COLEC12: variants seen among roughly 807,000 people sequenced by gnomAD.
COLEC12 encodes the protein collectin subfamily member 12.
In COLEC12, 33 loss-of-function variants were observed where a neutral mutation model predicts 71.1. The observed-to-expected ratio is 0.46, with a 90% CI of 0.35 to 0.62. The LOEUF (loss-of-function observed/expected upper bound fraction) is 0.62, where lower values mean the gene tolerates loss of function less well. Ranked by LOEUF, COLEC12 falls within the 20% of genes least tolerant of loss-of-function variation. The pLI, the probability that COLEC12 is intolerant of heterozygous loss-of-function variation, is 0.00. For synonymous variants in COLEC12, 350 were observed against 353.0 expected, an observed-to-expected ratio of 0.99 and a Z score of 0.10; for missense variants, 765 against 916.1, an observed-to-expected ratio of 0.84 and a Z score of 2.13.
At chr18:479,550 T>A (rs974072) in intron 2 of COLEC12, among the ~76,000 whole-genome samples, 6,641 of 149,296 alleles carry the variant, frequency 0.044, 169 homozygotes, top group South Asian at 0.078. Context: ...TCTCTCTCTC[T>A]CACACACACA....
chr18:480,571 A>G lies in COLEC12; in HGVS notation c.58+136T>C. On this transcript the variant is annotated intron_variant, in intron 2 of 9. Transcript: ENST00000400256. This position sits in a 1 kb window ranked among gnomAD's most constrained non-coding sequence, Gnocchi z 4.1. ...CTGGGACACAGACACTCACTTTCCA[A>G]CCAAAATTGGACCTCAGAGCCACAA... is the stretch of plus-strand genomic sequence containing the variant. 1 of 780,938 alleles carries G rather than the reference A, an allele frequency of 1.3e-6. No homozygotes were observed. The highest frequency in any genetic ancestry group is 2.5e-5 in the East Asian group (1 of 40,518). The allele number at this position is 780,938 out of a possible 1,614,324, so 48.4% of individuals were successfully genotyped here.
intron 1 of COLEC12, among the ~76,000 whole-genome samples, chr18:485,368 G>A (rs1917500613): frequency 6.6e-6 from 1 of 152,220 alleles, no homozygotes; most frequent in Non-Finnish European, 1.5e-5. Context: ...AAGTCCTGCA[G>A]TGGTCATAAC....
intron 2 of COLEC12, among the ~76,000 whole-genome samples, chr18:461,507 C>G (rs920021838): frequency 6.6e-6 from 1 of 152,202 alleles, no homozygotes; most frequent in African/African-American, 2.4e-5. Context: ...CTGCCTCAGC[C>G]TCCTGAGTAG....
chr18:442,004 C>T (rs1320064948), intron 2 of COLEC12, among the ~76,000 whole-genome samples: 4 of 16,258 alleles, frequency 2.5e-4, no homozygotes, highest in South Asian at 1.3e-3. Flanking sequence ...TCTCTCTCTA[C>T]ACACACACAC....
intron 2 of COLEC12, among the ~76,000 whole-genome samples, chr18:473,693 AGTCT>A (rs1246865026): frequency 4.6e-5 from 7 of 152,268 alleles, no homozygotes; most frequent in Admixed American, 2.6e-4. Context: ...AACGTTTCAG[AGTCT>A]GTCTGTCTTA....
intron 2 of COLEC12, among the ~76,000 whole-genome samples, chr18:391,016 C>T (rs1483845527): frequency 6.6e-6 from 1 of 152,172 alleles, no homozygotes; most frequent in Non-Finnish European, 1.5e-5. Flanking sequence ...AACTGGTCCG[C>T]TCTTTTTTTC....
In COLEC12 at chr18:500,372, C is replaced by G. The variant is rs962907252; in HGVS notation, c.7+136G>C. The G allele has an allele frequency of 1.6e-5, 8 of 504,312 alleles. No individual in the cohort carries two copies. Among genetic ancestry groups the G allele is most frequent in the Non-Finnish European group, 1.7e-5 (6 of 346,484 alleles). The allele number at this position is 504,312 out of a possible 1,614,324, so 31.2% of individuals were successfully genotyped here. ...CGCCCCCAGTGTCCGCGCACGAACC[C>G]GGCGCCCTGGCAGCCCCGACTCCCC... On this transcript the variant is annotated intron_variant, in intron 1 of 9. Coordinates refer to ENST00000400256, the MANE Select transcript of COLEC12 (RefSeq NM_130386.3). The surrounding 1 kb of genome is among the most constrained non-coding windows in gnomAD (Gnocchi z 5.3).
At chr18:372,477 G>A (rs1452777477) in intron 2 of COLEC12, among the ~76,000 whole-genome samples, 1 of 152,106 alleles carries the variant, frequency 6.6e-6, no homozygotes, top group African/African-American at 2.4e-5. Context: ...GAGTGCAGTG[G>A]CGTGATCTTG....
chr18:322,255 A>G (rs996778366), intron 8 of COLEC12, among the ~76,000 whole-genome samples: 4 of 152,150 alleles, frequency 2.6e-5, no homozygotes, highest in Admixed American at 2.0e-4. Flanking sequence ...GACCTTGTAC[A>G]TTTCAATATC....
chr18:354,077 G>A (rs1005767048), intron 3 of COLEC12, among the ~76,000 whole-genome samples: 42 of 152,206 alleles, frequency 2.8e-4, no homozygotes, highest in Admixed American at 7.2e-4. Context: ...TTAGAAGGTT[G>A]CCTGTTGGAA....
chr18:439,693 TGTC>T (rs1916476310), intron 2 of COLEC12, among the ~76,000 whole-genome samples: 4 of 152,100 alleles, frequency 2.6e-5, no homozygotes, highest in African/African-American at 9.7e-5. Flanking sequence ...AGATAACAAA[TGTC>T]GTCAAGGGTG....
At chr18:363,948 C>A (rs1914801852) in intron 2 of COLEC12, among the ~76,000 whole-genome samples, 1 of 152,298 alleles carries the variant, frequency 6.6e-6, no homozygotes, top group South Asian at 2.1e-4. Flanking sequence ...GAAATGAAAT[C>A]ACTTTCTGTG....
chr18:359,245 G>T (rs1325004872), intron 2 of COLEC12, among the ~76,000 whole-genome samples: 1 of 152,176 alleles, frequency 6.6e-6, no homozygotes, highest in Non-Finnish European at 1.5e-5. Flanking sequence ...CAGCCCTGCA[G>T]GGAGTATTTA....
intron 2 of COLEC12, among the ~76,000 whole-genome samples, chr18:427,290 C>T (rs1287317566): frequency 1.3e-5 from 2 of 152,160 alleles, no homozygotes; most frequent in African/African-American, 2.4e-5. Flanking sequence ...GCAGACAACA[C>T]GGTTAGCAAA....
At chr18:420,763 C>T (rs1251516859) in intron 2 of COLEC12, among the ~76,000 whole-genome samples, 1 of 152,072 alleles carries the variant, frequency 6.6e-6, no homozygotes, top group East Asian at 1.9e-4. Context: ...CTTAAAAAAA[C>T]CCTTTCAGGC....
At chr18:405,378 T>C (rs564766974) in intron 2 of COLEC12, among the ~76,000 whole-genome samples, 2 of 152,178 alleles carry the variant, frequency 1.3e-5, no homozygotes, top group Non-Finnish European at 2.9e-5. Flanking sequence ...TTGTACCTAC[T>C]CCCTGTTCTT....
Position 500,665 on chromosome 18 carries a change from G to GCCCGCGCTC in COLEC12, c.-160_-152dup, listed in dbSNP as rs565478954. The GCCCGCGCTC allele has an allele frequency of 0.015, 6,611 of 448,682 alleles. 445 individuals carry two copies. The highest frequency in any genetic ancestry group is 0.13 in the African/African-American group (6,083 of 45,820). The allele number at this position is 448,682 out of a possible 1,614,324, so 27.8% of individuals were successfully genotyped here. A position where few individuals can be genotyped will look rare whatever the true frequency, so the allele number is the denominator to read the frequency against. On this transcript the variant is annotated 5_prime_UTR_variant, in exon 1 of 10. Coordinates refer to ENST00000400256, the MANE Select transcript of COLEC12 (RefSeq NM_130386.3). The surrounding 1 kb of genome is among the most constrained non-coding windows in gnomAD (Gnocchi z 5.3). ...CCCCCGTCCTCCCTCGCCGCCGCCG[G>GCCCGCGCTC]CCCGCGCTCCCCGCGCTCCCGGCTC...
chr18:352,541 C>T lies in COLEC12; in HGVS notation c.182-4378G>A, dbSNP rs192256712. Among the ~76,000 whole-genome samples the T allele has an allele frequency of 2.5e-3, 376 of 152,246 alleles. 2 individuals are homozygous for T. Among genetic ancestry groups the T allele is most frequent in the African/African-American group, 8.1e-3 (336 of 41,546 alleles). On this transcript the variant is annotated intron_variant, in intron 3 of 9. Transcript: ENST00000400256. ...AACAAAAAAAATCTGTCGACGTTTT[C>T]TTCTGTGCAGCAAAAGGAAACTATT... is the stretch of plus-strand genomic sequence containing the variant.
At chr18:388,966 C>T (rs774756025) in intron 2 of COLEC12, among the ~76,000 whole-genome samples, 7 of 152,126 alleles carry the variant, frequency 4.6e-5, no homozygotes, top group Non-Finnish European at 1.0e-4. Context: ...TATAACAACA[C>T]TCCCTCTCCT....
Sources: allele counts gnomAD v4.1 joint callset (sites outside exome capture counted in the v4.1 genomes callset), GRCh38; gene constraint gnomAD v4.1.1; non-coding constraint Gnocchi (gnomAD v3.1); transcripts MANE v1.5; gene names NCBI Gene and HGNC (gene_info 2026-07-23, HGNC 2026-07-21).